The following FBXO25 variants were observed in gnomAD, a reference collection of about 807,000 sequenced individuals.
FBXO25 encodes the protein F-box protein 25, also known as F-box only protein 25.
A neutral mutation model predicts 51.9 loss-of-function variants in FBXO25; 45 were observed. The observed-to-expected ratio is 0.87, with a 90% CI of 0.68 to 1.11. FBXO25 has a LOEUF of 1.11. Ranked by LOEUF, FBXO25 falls within the 50% of genes most tolerant of loss-of-function variation. FBXO25 has a pLI of 0.00. For missense variants in FBXO25, 507 were observed against 428.5 expected, an observed-to-expected ratio of 1.18 and a Z score of -1.62; for synonymous variants, 199 against 151.0, an observed-to-expected ratio of 1.32 and a Z score of -2.33.
chr8:427,225 A>G (rs55678681), intron 2 of FBXO25, among the ~76,000 whole-genome samples: 1 of 141,712 alleles, frequency 7.1e-6, no homozygotes, highest in Admixed American at 7.2e-5. Flanking sequence ...AGCTGACCAA[A>G]ATGTCCTCCA....
intron 2 of FBXO25, among the ~76,000 whole-genome samples, chr8:423,302 TCTTCTC>T (rs1470853360): frequency 1.3e-5 from 2 of 152,208 alleles, no homozygotes; most frequent in African/African-American, 4.8e-5. Flanking sequence ...TACTGGTTCT[TCTTCTC>T]CTTTTATTTT....
chr8:444,970 A>C (rs1798647176), intron 5 of FBXO25, among the ~76,000 whole-genome samples: 1 of 152,326 alleles, frequency 6.6e-6, no homozygotes, highest in East Asian at 1.9e-4. Context: ...TGTATAAAAA[A>C]CTTCCTACAA....
Position 451,438 on chromosome 8 carries a change from T to C in FBXO25, c.645T>C (p.Asp215=). The C allele has an allele frequency of 6.2e-7, 1 of 1,613,706 alleles. No homozygotes were observed. The change falls in exon 7 of 10, where the codon GAT becomes GAC. Residue 215 remains aspartate, a synonymous_variant. Transcript: ENST00000350302. ...TCGCCTGGCAACAACAGCTACAGGA[T>C]CTTCAGATGACTAAGGTATAAATAT... ...TILAWQQQLQ[D]LQMTKQVNNG... is the part of the protein sequence containing the mutation.
At chr8:418,954 A>G (rs1378080554) in intron 2 of FBXO25, among the ~76,000 whole-genome samples, 1 of 152,202 alleles carries the variant, frequency 6.6e-6, no homozygotes, top group East Asian at 1.9e-4. Flanking sequence ...AGAAAACAGT[A>G]TTTTCACAAT....
intron 7 of FBXO25, among the ~76,000 whole-genome samples, chr8:455,978 A>G (rs11996844): frequency 5.3e-5 from 8 of 152,020 alleles, no homozygotes; most frequent in African/African-American, 1.9e-4. Context: ...GTCACACCAG[A>G]CTCTATAACT....
intron 5 of FBXO25, among the ~76,000 whole-genome samples, chr8:442,724 C>T (rs1401396819): frequency 1.3e-5 from 2 of 152,148 alleles, no homozygotes; most frequent in African/African-American, 2.4e-5. Context: ...GCTGCCTCGG[C>T]CTCCCAAAGT....
In FBXO25 at chr8:476,872, G is replaced by C. The variant is rs1251282341; in HGVS notation, c.*8068G>C. The C allele has an allele frequency of 6.6e-6, 1 of 151,794 alleles. No individual in the cohort carries two copies. Among genetic ancestry groups the C allele is most frequent in the Non-Finnish European group, 1.5e-5 (1 of 67,962 alleles). The allele number at this position is 151,794 out of a possible 1,614,324, so 9.4% of individuals were successfully genotyped here. On this transcript the variant is annotated 3_prime_UTR_variant, in exon 10 of 10. Transcript: ENST00000350302. ...TGGGTTGATTGCTCTTCTTTTTCTAGTTCTTTCAGATGTAAATTTAGGGTT... is the reference window on the plus strand; with the variant it reads ...TGGGTTGATTGCTCTTCTTTTTCTACTTCTTTCAGATGTAAATTTAGGGTT...
At chr8:424,449 C>G (rs1227769969) in intron 2 of FBXO25, among the ~76,000 whole-genome samples, 1 of 152,156 alleles carries the variant, frequency 6.6e-6, no homozygotes, top group Non-Finnish European at 1.5e-5. Context: ...AGGCCAACGT[C>G]AAGAAGAGTA....
intron 9 of FBXO25, among the ~76,000 whole-genome samples, chr8:463,535 A>G (rs1799953442): frequency 6.6e-6 from 1 of 152,192 alleles, no homozygotes; most frequent in African/African-American, 2.4e-5. Flanking sequence ...CCCCAGACTT[A>G]GCCCTCGGCC....
At chr8:452,805 G>A (rs1263090112) in intron 7 of FBXO25, among the ~76,000 whole-genome samples, 1 of 152,210 alleles carries the variant, frequency 6.6e-6, no homozygotes, top group Non-Finnish European at 1.5e-5. Flanking sequence ...TCCAAGGATT[G>A]GGCCACACCT....
intron 4 of FBXO25, among the ~76,000 whole-genome samples, chr8:433,284 T>C (rs1797922546): frequency 6.6e-6 from 1 of 151,992 alleles, no homozygotes; most frequent in Non-Finnish European, 1.5e-5. Flanking sequence ...TGGCATGTGG[T>C]ATATGTGTGC....
At chr8:467,884 AG>A (rs1375719938) in intron 9 of FBXO25, 2 of 1,535,098 alleles carry the variant, frequency 1.3e-6, no homozygotes, top group African/African-American at 2.7e-5. Context: ...GACCCTGAGC[AG>A]GGCTGAGTGG....
Position 474,418 on chromosome 8 carries a change from A to G in FBXO25, c.*5614A>G. 2 of 286,718 alleles carry G rather than the reference A, an allele frequency of 7.0e-6. No individual in the cohort carries two copies. The highest frequency in any genetic ancestry group is 1.3e-5 in the Non-Finnish European group (2 of 149,514). 17.8% of individuals were successfully genotyped at this position (286,718 alleles called of 1,614,324 possible). On this transcript the variant is annotated 3_prime_UTR_variant, in exon 10 of 10. Transcript: ENST00000350302. Reference sequence around the variant, plus strand: ...GTAAACATGGGTGTGCAAATATCTGAGTCTCTGCTTTCAATCATATGGCAA... The same window carrying G: ...GTAAACATGGGTGTGCAAATATCTGGGTCTCTGCTTTCAATCATATGGCAA...
At chr8:450,168 C>G (rs2290073) in intron 6 of FBXO25, 85 bp downstream of exon 6, 120,723 of 921,146 alleles carry the variant, frequency 0.13, 8,531 homozygotes, top group South Asian at 0.18. Context: ...TTATCTTTAC[C>G]CAGTACACAT....
intron 1 of FBXO25, among the ~76,000 whole-genome samples, chr8:411,117 C>T (rs915301167): frequency 2.0e-5 from 3 of 152,012 alleles, no homozygotes; most frequent in Non-Finnish European, 2.9e-5. Flanking sequence ...TTTTTCTCTA[C>T]GATATAAATA....
intron 2 of FBXO25, among the ~76,000 whole-genome samples, chr8:424,118 A>ATTTT (rs36051355): frequency 4.1e-5 from 5 of 120,642 alleles, no homozygotes; most frequent in African/African-American, 1.2e-4. Flanking sequence ...TCCTTTGCCC[A>ATTTT]TTTTTTTTTT....
At chr8:410,458 C>T (rs1161188416) in intron 1 of FBXO25, among the ~76,000 whole-genome samples, 1 of 151,788 alleles carries the variant, frequency 6.6e-6, no homozygotes, top group East Asian at 1.9e-4. Flanking sequence ...ATTTCTGAAT[C>T]CACAGTTTCA....
At chr8:439,888 G>A (rs1798324533) in intron 5 of FBXO25, among the ~76,000 whole-genome samples, 1 of 152,172 alleles carries the variant, frequency 6.6e-6, no homozygotes, top group South Asian at 2.1e-4. Flanking sequence ...GGCAACATAG[G>A]GAGACCCTGT....
At chr8:424,170 G>A (rs1797331291) in intron 2 of FBXO25, among the ~76,000 whole-genome samples, 2 of 149,404 alleles carry the variant, frequency 1.3e-5, no homozygotes, top group African/African-American at 2.5e-5. Context: ...CCAGGCTGGA[G>A]TGCAGTGGCG....
Sources: gnomAD v4.1 joint callset for allele counts (sites outside exome capture counted in the v4.1 genomes callset) on GRCh38, gnomAD v4.1.1 for gene constraint, MANE v1.5 for transcripts, NCBI Gene and HGNC (gene_info 2026-07-23, HGNC 2026-07-21) for gene names.